The following UGT2B7 variants were observed in gnomAD, a reference collection of about 807,000 sequenced individuals.
UGT2B7 encodes the protein UDP-glucuronosyltransferase 2B7.
Under a neutral mutation model 51.9 loss-of-function variants are expected in UGT2B7, and 51 were observed. The observed-to-expected ratio is 0.98, with a 90% CI of 0.78 to 1.24. UGT2B7 has a LOEUF of 1.24. Ranked by LOEUF, UGT2B7 falls within the 50% of genes most tolerant of loss-of-function variation. UGT2B7 has a pLI of 0.00. For synonymous variants in UGT2B7, 225 were observed against 211.6 expected (o/e 1.06, Z -0.55); for missense variants, 727 against 628.4 (o/e 1.16, Z -1.68).
intron 1 of UGT2B7, among the ~76,000 whole-genome samples, chr4:69,059,678 G>A (rs1285303324): frequency 6.6e-6 from 1 of 152,034 alleles, no homozygotes; most frequent in South Asian, 2.1e-4. Context: ...GCTACTCCCT[G>A]AGGCCATACT....
chr4:69,111,698 C>T (rs2109896925), intron 5 of UGT2B7, among the ~76,000 whole-genome samples: 1 of 152,062 alleles, frequency 6.6e-6, no homozygotes, highest in South Asian at 2.1e-4. Flanking sequence ...TTAATATGTA[C>T]CCTCAAAAAC....
intron 1 of UGT2B7, among the ~76,000 whole-genome samples, chr4:69,060,893 CT>C (rs1718330245): frequency 6.6e-6 from 1 of 152,208 alleles, no homozygotes; most frequent in South Asian, 2.1e-4. Flanking sequence ...CTAAACCCAG[CT>C]ACCTTGCTCC....
chr4:69,058,699 G>A (rs1336278234), intron 1 of UGT2B7, among the ~76,000 whole-genome samples: 1 of 151,910 alleles, frequency 6.6e-6, no homozygotes, highest in Non-Finnish European at 1.5e-5. Flanking sequence ...GGAAGGTTTT[G>A]CAGGCATGAA....
intron 1 of UGT2B7, among the ~76,000 whole-genome samples, chr4:69,051,761 C>T (rs1433238409): frequency 6.6e-6 from 1 of 152,110 alleles, no homozygotes; most frequent in African/African-American, 2.4e-5. Context: ...TAAGTGGAAG[C>T]GTGGCCTGAT....
Position 69,112,786 on chromosome 4 carries a change from G to T in UGT2B7, c.*50G>T. On this transcript the variant is annotated 3_prime_UTR_variant, in exon 6 of 6. Transcript: ENST00000305231. The stretch of plus-strand genomic sequence containing the variant: ...AAACCTGATAGGTGAGACTACTTCA[G>T]TTTATTCCAGCAAGAAAGATTGTGA... 1 of 1,529,216 alleles carries T rather than the reference G, an allele frequency of 6.5e-7. No individual in the cohort carries two copies. The allele number at this position is 1,529,216 out of a possible 1,614,324, so 94.7% of individuals were successfully genotyped here.
intron 1 of UGT2B7, among the ~76,000 whole-genome samples, chr4:69,058,231 C>T (rs576069184): frequency 6.6e-6 from 1 of 152,266 alleles, no homozygotes; most frequent in South Asian, 2.1e-4. Context: ...GAGACCCTTC[C>T]TCCATATGCT....
chr4:69,102,711 A>T, intron 2 of UGT2B7, 96 bp from the exon 3 acceptor site: 4 of 1,529,978 alleles, frequency 2.6e-6, no homozygotes, highest in Non-Finnish European at 3.5e-6. Context: ...TCCTCAAAAT[A>T]CTGGATTTTC....
Position 69,097,268 on chromosome 4 carries a change from T to G in UGT2B7, c.721+27T>G, listed in dbSNP as rs1719273114. 2.5e-6 allele frequency: 4 copies of G among 1,594,800 alleles called. No homozygotes were observed. In the East Asian group the frequency reaches 8.9e-5, roughly 36 times the overall value. On this transcript the variant is annotated intron_variant, in intron 1 of 5. Coordinates refer to ENST00000305231, the MANE Select transcript of UGT2B7 (RefSeq NM_001074.4). ...TAAGTATTTTTTTCAATCAGTAACA[T>G]GAAGCTCTAACTTATTTGTGTCTTT... is the stretch of plus-strand genomic sequence containing the variant.
intron 3 of UGT2B7, among the ~76,000 whole-genome samples, chr4:69,104,138 T>G (rs563863661): frequency 5.3e-4 from 81 of 151,992 alleles, no homozygotes; most frequent in African/African-American, 1.9e-3. Context: ...ATAGAAAAAA[T>G]TACACAGGCA....
rs1046595941 is a variant in UGT2B7 at position 69,104,970 on chromosome 4, C to T, written c.1002+2032C>T. Among the ~76,000 whole-genome samples the T allele has an allele frequency of 7.2e-5, 11 of 152,046 alleles. No homozygotes were observed. The East Asian group carries it at 7.7e-4, about 11-fold the overall frequency. On this transcript the variant is annotated intron_variant, in intron 3 of 5. Transcript: ENST00000305231. ...CTATTCAGAGACAGAACAGCCTAGG[C>T]GGACAGACAACTATCCCAAGTACCC...
upstream of UGT2B7, among the ~76,000 whole-genome samples, chr4:69,093,018 T>C (rs1007760168): frequency 6.6e-6 from 1 of 151,790 alleles, no homozygotes; most frequent in African/African-American, 2.4e-5. Context: ...ACATATGGTT[T>C]GTCATACATA....
chr4:69,096,915 C>A lies in UGT2B7; in HGVS notation c.395C>A (p.Ser132Ter). 1 of 1,611,774 alleles carries A rather than the reference C, an allele frequency of 6.2e-7. No individual in the cohort carries two copies. Among genetic ancestry groups the A allele is most frequent in the Non-Finnish European group, 8.5e-7 (1 of 1,179,426 alleles). ...ITRKFCKDVV[S>*]NKKFMKKVQE... is the part of the protein sequence containing the mutation. ...AGAAAGTTCTGTAAAGATGTAGTTT[C>A]AAATAAGAAATTTATGAAAAAAGTA... The change falls in exon 1 of 6, where the codon TCA becomes TAA. Residue 132 changes from serine (S) to a stop codon, truncating the protein, a stop_gained. Transcript: ENST00000305231. LOFTEE classifies it high-confidence loss of function.
chr4:69,093,103 C>T (rs965934190), upstream of UGT2B7, among the ~76,000 whole-genome samples: 53 of 152,194 alleles, frequency 3.5e-4, no homozygotes, highest in African/African-American at 1.1e-3. Context: ...TCTGTGAGCT[C>T]TGTCCCAGGG....
At chr4:69,057,699 T>A (rs1246066362) in intron 1 of UGT2B7, among the ~76,000 whole-genome samples, 2 of 152,194 alleles carry the variant, frequency 1.3e-5, no homozygotes, top group Non-Finnish European at 2.9e-5. Context: ...AAGGTGAATG[T>A]GCTGTGTTGT....
chr4:69,062,908 TA>T (rs1718380363), intron 1 of UGT2B7, among the ~76,000 whole-genome samples: 1 of 152,164 alleles, frequency 6.6e-6, no homozygotes, highest in East Asian at 1.9e-4. Context: ...ACCAACCCCC[TA>T]AATGCCTTTA....
At chr4:69,110,423 C>T (rs1396542815) in intron 5 of UGT2B7, among the ~76,000 whole-genome samples, 2 of 151,866 alleles carry the variant, frequency 1.3e-5, no homozygotes, top group Non-Finnish European at 2.9e-5. Context: ...ATTCTACTCC[C>T]AGTTATATAC....
chr4:69,098,529 ATTC>A lies in UGT2B7; in HGVS notation c.722-10_722-8del. 2 of 1,541,094 alleles carry A rather than the reference ATTC, an allele frequency of 1.3e-6. No individual in the cohort carries two copies. Among genetic ancestry groups the A allele is most frequent in the East Asian group, 4.8e-5 (2 of 41,972 alleles). On this transcript the variant is annotated splice_region_variant and splice_polypyrimidine_tract_variant and intron_variant, in intron 1 of 5. Transcript: ENST00000305231. ...TGTGTCATCCACCTTTTTTTTTTCT[ATTC>A]CTGTCAGGAAGACCCACTACATTAT...
rs1718503602 is a variant in UGT2B7 at position 69,067,391 on chromosome 4, A to G, written c.-159+15789A>G. On this transcript the variant is annotated intron_variant, in intron 1 of 5. Transcript: ENST00000502942. Reference sequence around the variant, plus strand: ...ACAATGCATAATTTTTCAAAAAATCATCTATTCTTAGGTCATCCACAAACC... The same window carrying G: ...ACAATGCATAATTTTTCAAAAAATCGTCTATTCTTAGGTCATCCACAAACC... 4 of 157,318 alleles carry G rather than the reference A, an allele frequency of 2.5e-5. No homozygotes were observed. The South Asian group carries it at 8.3e-4, about 32-fold the overall frequency. 9.7% of individuals were successfully genotyped at this position (157,318 alleles called of 1,614,324 possible).
intron 1 of UGT2B7, among the ~76,000 whole-genome samples, chr4:69,063,232 T>C (rs1305294096): frequency 7.3e-6 from 1 of 137,898 alleles, no homozygotes; most frequent in Non-Finnish European, 1.5e-5. Flanking sequence ...GGCAGGAGAA[T>C]GGCGTGAACC....
Sources: gnomAD v4.1 joint callset for allele counts (sites outside exome capture counted in the v4.1 genomes callset) on GRCh38, gnomAD v4.1.1 for gene constraint, MANE v1.5 for transcripts, NCBI Gene and HGNC (gene_info 2026-07-23, HGNC 2026-07-21) for gene names.